The following RNF150 variants were observed in gnomAD, a reference collection of about 807,000 sequenced individuals.
RNF150 encodes the protein ring finger protein 150.
RNF150 carries 24 observed loss-of-function variants against 39.3 expected under a neutral mutation model. The observed-to-expected ratio is 0.61, with a 90% confidence interval of 0.44 to 0.86. RNF150 has a LOEUF of 0.86. Among genes scored for constraint, RNF150 ranks in the 40% least tolerant of loss-of-function variants. The pLI is 0.00. For synonymous variants in RNF150, 255 were observed against 227.3 expected (o/e 1.12, Z -1.10); for missense variants, 502 against 587.8 (o/e 0.85, Z 1.51).
chr4:140,970,770 T>G (rs78672573), intron 1 of RNF150, among the ~76,000 whole-genome samples: 7,286 of 152,240 alleles, frequency 0.048, 258 homozygotes, highest in African/African-American at 0.092. Context: ...CCTCATGACA[T>G]ATAATATCCA....
At chr4:140,918,012 T>A (rs1730918414) in intron 5 of RNF150, among the ~76,000 whole-genome samples, 2 of 151,272 alleles carry the variant, frequency 1.3e-5, no homozygotes, top group African/African-American at 2.4e-5. Context: ...AGACACAACA[T>A]ACCAGAATCT....
At chr4:140,949,238 A>G in intron 3 of RNF150, 63 bp downstream of exon 3, 2 of 1,291,358 alleles carry the variant, frequency 1.5e-6, no homozygotes, top group South Asian at 2.7e-5. Flanking sequence ...CACCCTGGCT[A>G]TAAGAAAAGT....
chr4:141,112,439 A>G (rs1007790948), intron 1 of RNF150, among the ~76,000 whole-genome samples: 1 of 152,190 alleles, frequency 6.6e-6, no homozygotes, highest in Non-Finnish European at 1.5e-5. Flanking sequence ...AAAATCTCTC[A>G]GCATTTGCTT....
At chr4:141,109,192 T>C in intron 1 of RNF150, among the ~76,000 whole-genome samples, 1 of 152,112 alleles carries the variant, frequency 6.6e-6, no homozygotes, top group East Asian at 1.9e-4. Flanking sequence ...AATAATACAA[T>C]ATCATTACTA....
At chr4:141,085,822 G>T (rs1036847148) in intron 1 of RNF150, among the ~76,000 whole-genome samples, 1 of 152,118 alleles carries the variant, frequency 6.6e-6, no homozygotes, top group African/African-American at 2.4e-5. Flanking sequence ...CTTAAGCAAG[G>T]TGATTTTGTA....
chr4:141,166,798 A>G (rs1267477446), intron 1 of RNF150, among the ~76,000 whole-genome samples: 1 of 152,194 alleles, frequency 6.6e-6, no homozygotes, highest in East Asian at 1.9e-4. Flanking sequence ...ATATCTCAAA[A>G]TAAGGAAAGC....
At chr4:140,898,457 G>T (rs1370227598) in intron 6 of RNF150, among the ~76,000 whole-genome samples, 1 of 152,178 alleles carries the variant, frequency 6.6e-6, no homozygotes, top group Non-Finnish European at 1.5e-5. Context: ...GTGCAGTCAT[G>T]CATTTATGCT....
chr4:141,158,585 G>A (rs1727456210), intron 1 of RNF150, among the ~76,000 whole-genome samples: 1 of 152,104 alleles, frequency 6.6e-6, no homozygotes, highest in South Asian at 2.1e-4. Context: ...CTCATCCTTA[G>A]TGTATTAACA....
At chr4:141,145,159 GT>G (rs1463865903) in intron 1 of RNF150, among the ~76,000 whole-genome samples, 1 of 152,096 alleles carries the variant, frequency 6.6e-6, no homozygotes, top group African/African-American at 2.4e-5. Context: ...AAACTAGTCA[GT>G]GTTTATAATT....
chr4:141,087,081 T>C (rs1738394889), intron 1 of RNF150, among the ~76,000 whole-genome samples: 2 of 152,176 alleles, frequency 1.3e-5, no homozygotes, highest in Admixed American at 6.5e-5. Flanking sequence ...TATTATTACA[T>C]CAACCAGGTA....
chr4:141,017,333 AT>A (rs1016459001), intron 1 of RNF150, among the ~76,000 whole-genome samples: 1 of 152,088 alleles, frequency 6.6e-6, no homozygotes, highest in Non-Finnish European at 1.5e-5. Context: ...AATATAATTT[AT>A]TTTTTTAGAG....
chr4:141,084,064 T>C (rs1738257498), intron 1 of RNF150, among the ~76,000 whole-genome samples: 1 of 152,356 alleles, frequency 6.6e-6, no homozygotes, highest in East Asian at 1.9e-4. Context: ...GTAGAATGCA[T>C]ATTCAAATAG....
At chr4:140,997,400 A>C (rs1378006529) in intron 1 of RNF150, among the ~76,000 whole-genome samples, 1 of 152,076 alleles carries the variant, frequency 6.6e-6, no homozygotes, top group Non-Finnish European at 1.5e-5. Flanking sequence ...AGGCGGGTGG[A>C]TCATGAGGTC....
At position 140,865,499 on chromosome 4, in the gene RNF150, G is replaced by A. The variant is rs1464083115; in HGVS notation, c.*2762C>T. The stretch of plus-strand genomic sequence containing the variant: ...GGAGGTAAAGAAGGCTATAAGGAAG[G>A]GCTGTTCCCCTTTCTTCTGAAAGAG... On this transcript the variant is annotated 3_prime_UTR_variant, in exon 7 of 7. Coordinates refer to ENST00000515673, the MANE Select transcript of RNF150 (RefSeq NM_020724.2). 6.6e-6 allele frequency: 1 copy of A among 152,306 alleles called. No individual in the cohort carries two copies. Among genetic ancestry groups the A allele is most frequent in the African/African-American group, 2.4e-5 (1 of 41,366 alleles). The allele number at this position is 152,306 out of a possible 1,614,324, so 9.4% of individuals were successfully genotyped here.
intron 6 of RNF150, among the ~76,000 whole-genome samples, chr4:140,890,509 G>A (rs1352427926): frequency 6.6e-6 from 1 of 152,200 alleles, no homozygotes; most frequent in Non-Finnish European, 1.5e-5. Flanking sequence ...GGGGTTTGGG[G>A]AGGTAATTAG....
At chr4:140,961,123 A>G (rs1733005630) in intron 2 of RNF150, among the ~76,000 whole-genome samples, 1 of 152,164 alleles carries the variant, frequency 6.6e-6, no homozygotes, top group Admixed American at 6.6e-5. Context: ...ATCTTTAGGA[A>G]ACATGGCACA....
At chr4:140,923,940 G>C (rs1731272199) in intron 5 of RNF150, among the ~76,000 whole-genome samples, 1 of 151,430 alleles carries the variant, frequency 6.6e-6, no homozygotes, top group South Asian at 2.1e-4. Flanking sequence ...ATGGACACAG[G>C]AAGGGGAACA....
chr4:141,097,611 G>T (rs1738843084), intron 1 of RNF150, among the ~76,000 whole-genome samples: 6 of 151,566 alleles, frequency 4.0e-5, no homozygotes, highest in Admixed American at 3.3e-4. Flanking sequence ...ACTAGATATT[G>T]TGCTGTTTTT....
chr4:141,153,060 G>A (rs1013742839), intron 1 of RNF150, among the ~76,000 whole-genome samples: 21 of 152,120 alleles, frequency 1.4e-4, no homozygotes, highest in African/African-American at 4.8e-4. Context: ...CACTTTGCTT[G>A]CAATACACAT....
Sources: gnomAD v4.1 joint callset for allele counts (sites outside exome capture counted in the v4.1 genomes callset) on GRCh38, gnomAD v4.1.1 for gene constraint, MANE v1.5 for transcripts, NCBI Gene and HGNC (gene_info 2026-07-23, HGNC 2026-07-21) for gene names.